Variants in PMFBP1 observed in about 807,000 individuals in gnomAD.
PMFBP1 encodes polyamine-modulated factor 1-binding protein 1.
A neutral mutation model predicts 137.8 loss-of-function variants in PMFBP1; 131 were observed. That is an observed-to-expected ratio of 0.95 (90% CI 0.82 to 1.10). The LOEUF is 1.10. PMFBP1 is among the 50% of genes least tolerant of loss of function. The pLI, the probability that PMFBP1 is intolerant of heterozygous loss-of-function variation, is 0.00. For missense variants in PMFBP1, 1,199 were observed against 1,175.4 expected (o/e 1.02, Z -0.29); for synonymous variants, 490 against 450.4 (o/e 1.09, Z -1.11).
At chr16:72,180,463 T>C (rs1184011290), upstream of PMFBP1, among the ~76,000 whole-genome samples, 1 of 152,204 alleles carries the variant, frequency 6.6e-6, no homozygotes, top group East Asian at 1.9e-4. Context: ...AGTTTCTCAG[T>C]GGAGCTATCG....
chr16:72,122,434 T>G (rs1567618494), intron 19 of PMFBP1, among the ~76,000 whole-genome samples: 1 of 152,184 alleles, frequency 6.6e-6, no homozygotes, highest in African/African-American at 2.4e-5. Context: ...TCCCTCTTAG[T>G]GGACCCAGCT....
chr16:72,220,811 G>C, the PMFBP1 span, among the ~76,000 whole-genome samples: 2 of 152,154 alleles, frequency 1.3e-5, no homozygotes. Context: ...TGAACAAATG[G>C]CCAGATGGTA....
At chr16:72,147,883 G>A (rs868808384) in intron 5 of PMFBP1, among the ~76,000 whole-genome samples, 4 of 152,190 alleles carry the variant, frequency 2.6e-5, no homozygotes, top group Non-Finnish European at 4.4e-5. Context: ...AGATACTGGA[G>A]AGGATGTAGA....
At chr16:72,134,443 C>T (rs1326971571) in intron 9 of PMFBP1, among the ~76,000 whole-genome samples, 6 of 152,178 alleles carry the variant, frequency 3.9e-5, no homozygotes, top group Admixed American at 3.9e-4. Flanking sequence ...CTTGGCCTCC[C>T]AAAGTTCTGA....
chr16:72,162,594 G>A (rs573660485), intron 3 of PMFBP1, among the ~76,000 whole-genome samples: 6 of 152,302 alleles, frequency 3.9e-5, no homozygotes, highest in Admixed American at 6.5e-5. Flanking sequence ...TTTTCCGAGC[G>A]GATGAGTGTA....
rs2042702950 is a variant in PMFBP1, at chr16:72,140,567, C to T, written c.652G>A (p.Gly218Ser). 1.9e-6 allele frequency: 3 copies of T among 1,613,140 alleles called. No homozygotes were observed. The highest frequency in any genetic ancestry group is 2.5e-6 in the Non-Finnish European group (3 of 1,179,268). Residue 218 changes from glycine to serine, a missense_variant, in exon 6 of 21, where the codon GGT becomes AGT. By Grantham distance (56) the Gly-to-Ser change is moderately conservative. Coordinates refer to ENST00000237353, the MANE Select transcript of PMFBP1 (RefSeq NM_031293.3). ...GIMGQEPENK[G>S]DHSKVRIYTS... ...TATATCCGTACCTTTGAATGATCACCCTTGTTCTCAGGCTCCTGAGAGATT... is the reference window on the plus strand; with the variant it reads ...TATATCCGTACCTTTGAATGATCACTCTTGTTCTCAGGCTCCTGAGAGATT...
chr16:72,150,292 G>C lies in PMFBP1; in HGVS notation c.636+316C>G, dbSNP rs560958566. Among the ~76,000 whole-genome samples the C allele has an allele frequency of 2.0e-5, 3 of 152,282 alleles. No homozygotes were observed. In the East Asian group the frequency reaches 5.8e-4, roughly 29 times the overall value. On this transcript the variant is annotated intron_variant, in intron 5 of 20. Coordinates refer to ENST00000237353, the MANE Select transcript of PMFBP1 (RefSeq NM_031293.3). ...AGGGTTGGGCAGAGGGAGATGAGCT[G>C]TGATGCAATCTCAACAAAGGCTCAG...
the PMFBP1 span, among the ~76,000 whole-genome samples, chr16:72,184,879 C>A: frequency 1.3e-5 from 2 of 152,216 alleles, no homozygotes; most frequent in Non-Finnish European, 2.9e-5. Context: ...TTCTCCTCAA[C>A]CCCAATACTA....
At chr16:72,130,180 C>A (rs1437559466) in intron 12 of PMFBP1, 33 bp downstream of exon 12, 1 of 1,606,684 alleles carries the variant, frequency 6.2e-7, no homozygotes, top group African/African-American at 1.3e-5. Flanking sequence ...GCAGAGCAAG[C>A]ACTTGAATGG....
rs1434247657 is a variant in PMFBP1, at chr16:72,119,290, C to T, written c.*48G>A. ...GAGGGAGGGCTGGGAACTCACTGTC[C>T]TCTGAAGAAACACCCGTGGAAATGC... On this transcript the variant is annotated 3_prime_UTR_variant, in exon 21 of 21. Transcript: ENST00000237353. The T allele has an allele frequency of 1.3e-6, 2 of 1,591,676 alleles. No homozygotes were observed. The highest frequency in any genetic ancestry group is 1.7e-5 in the Admixed American group (1 of 59,980).
intron 3 of PMFBP1, among the ~76,000 whole-genome samples, chr16:72,156,150 CT>C: frequency 6.6e-6 from 1 of 152,198 alleles, no homozygotes; most frequent in East Asian, 1.9e-4. Context: ...CCACACCCAG[CT>C]AATTTTTGTA....
chr16:72,153,527 G>C (rs2042934339), intron 4 of PMFBP1, among the ~76,000 whole-genome samples: 1 of 152,034 alleles, frequency 6.6e-6, no homozygotes, highest in African/African-American at 2.4e-5. Flanking sequence ...ATGGTTTACT[G>C]CACCTAGTGC....
intron 5 of PMFBP1, among the ~76,000 whole-genome samples, chr16:72,141,502 T>A (rs1375939694): frequency 6.6e-6 from 1 of 152,222 alleles, no homozygotes; most frequent in Non-Finnish European, 1.5e-5. Flanking sequence ...TAGAACTTTA[T>A]ACTATATTTA....
At chr16:72,119,663 T>C in intron 20 of PMFBP1, 188 bp downstream of exon 20, 1 of 1,448,742 alleles carries the variant, frequency 6.9e-7, no homozygotes, top group Non-Finnish European at 9.0e-7. Context: ...CAGATGTTCT[T>C]AGATCAGAAG....
At chr16:72,248,913 G>T in the PMFBP1 span, among the ~76,000 whole-genome samples, 8 of 152,266 alleles carry the variant, frequency 5.3e-5, no homozygotes, top group East Asian at 1.5e-3. Flanking sequence ...AAGACTCACC[G>T]AGTGCAGAGC....
the PMFBP1 span, among the ~76,000 whole-genome samples, chr16:72,205,664 C>T: frequency 6.6e-6 from 1 of 152,212 alleles, no homozygotes; most frequent in Non-Finnish European, 1.5e-5. Context: ...CACCTGGCTG[C>T]AGAGTGGCCT....
intron 19 of PMFBP1, among the ~76,000 whole-genome samples, chr16:72,120,921 G>C (rs536634442): frequency 1.3e-5 from 2 of 152,144 alleles, no homozygotes; most frequent in Admixed American, 6.5e-5. Flanking sequence ...GATGAAATGA[G>C]CTCATATGTG....
the PMFBP1 span, among the ~76,000 whole-genome samples, chr16:72,207,190 A>C: frequency 6.6e-6 from 1 of 152,058 alleles, no homozygotes; most frequent in African/African-American, 2.4e-5. Context: ...GTGAAGGGAG[A>C]TGGAAGATGG....
At chr16:72,150,913 A>G (rs1327616854) in intron 4 of PMFBP1, 84 bp from the exon 5 acceptor site, 1 of 1,209,946 alleles carries the variant, frequency 8.3e-7, no homozygotes, top group Non-Finnish European at 1.2e-6. Flanking sequence ...CCCTGCAGAG[A>G]AGTCTTGTAT....
Sources: gnomAD v4.1 joint callset for allele counts (sites outside exome capture counted in the v4.1 genomes callset) on GRCh38, gnomAD v4.1.1 for gene constraint, MANE v1.5 for transcripts, NCBI Gene and HGNC (gene_info 2026-07-23, HGNC 2026-07-21) for gene names.